The following PDGFD variants were observed in gnomAD, a reference collection of about 807,000 sequenced individuals.
The protein encoded by PDGFD is platelet derived growth factor D, also known as platelet-derived growth factor D.
In PDGFD, 30 loss-of-function variants were observed where a neutral mutation model predicts 44.7. The ratio of observed to expected loss-of-function variants is 0.67; its 90% CI spans 0.50 to 0.91. The LOEUF (loss-of-function observed/expected upper bound fraction) is 0.91. Among genes scored for constraint, PDGFD ranks in the 40% least tolerant of loss-of-function variants. The pLI is 0.00. For synonymous variants in PDGFD, 173 were observed against 168.4 expected (o/e 1.03, Z -0.21); for missense variants, 445 against 457.8 (o/e 0.97, Z 0.25).
intron 1 of PDGFD, among the ~76,000 whole-genome samples, chr11:104,070,135 T>A (rs1324003924): frequency 6.6e-6 from 1 of 152,204 alleles, no homozygotes; most frequent in South Asian, 2.1e-4. Context: ...AAAATAATCT[T>A]GGACTTTCCT....
At chr11:103,987,337 G>A (rs889669262) in intron 3 of PDGFD, among the ~76,000 whole-genome samples, 2 of 151,990 alleles carry the variant, frequency 1.3e-5, no homozygotes, top group African/African-American at 2.4e-5. Context: ...ATCAATCACC[G>A]GGAAAGGTCT....
At chr11:104,015,486 A>T (rs1373253218) in intron 1 of PDGFD, among the ~76,000 whole-genome samples, 2 of 152,224 alleles carry the variant, frequency 1.3e-5, no homozygotes, top group African/African-American at 4.8e-5. Context: ...AAAAAGAAAA[A>T]TAAACACAGC....
At chr11:104,103,484 A>G (rs917068773) in intron 1 of PDGFD, among the ~76,000 whole-genome samples, 1 of 136,408 alleles carries the variant, frequency 7.3e-6, no homozygotes, top group Middle Eastern at 3.8e-3. Context: ...ATATATATAT[A>G]TATATATATA....
In PDGFD at chr11:104,026,882, G is replaced by A. The variant is rs574436829; in HGVS notation, c.125-26627C>T. 1.1e-4 allele frequency among the ~76,000 whole-genome samples: 17 copies of A among 152,202 alleles called. 1 individual carries two copies. In the South Asian group the frequency reaches 3.5e-3, roughly 32 times the overall value. ...CAGTAATTCCAAATACTAACTTATT[G>A]GAAAGACCATACTTATATTCTTGAT... On this transcript the variant is annotated intron_variant, in intron 1 of 6. Coordinates refer to ENST00000393158, the MANE Select transcript of PDGFD (RefSeq NM_025208.5).
chr11:104,156,422 G>A lies in PDGFD; in HGVS notation c.124+7382C>T, dbSNP rs145939693. ...ATCCTAACATATAAGGCTTCAAATC[G>A]TGTTTGGCTTACTTTTATAGACAAA... is the stretch of plus-strand genomic sequence containing the variant. On this transcript the variant is annotated intron_variant, in intron 1 of 6. Coordinates refer to ENST00000393158, the MANE Select transcript of PDGFD (RefSeq NM_025208.5). Among the ~76,000 whole-genome samples the A allele has an allele frequency of 8.1e-4, 123 of 152,112 alleles. 1 individual carries two copies. The East Asian group carries it at 0.02, about 24-fold the overall frequency.
intron 3 of PDGFD, among the ~76,000 whole-genome samples, chr11:103,954,064 A>G (rs1332093196): frequency 1.3e-5 from 2 of 152,256 alleles, no homozygotes; most frequent in Admixed American, 1.3e-4. Flanking sequence ...ATTACAGGTA[A>G]TAAATGTTGT....
intron 1 of PDGFD, among the ~76,000 whole-genome samples, chr11:104,133,773 T>A (rs1861958991): frequency 6.6e-6 from 1 of 152,158 alleles, no homozygotes; most frequent in South Asian, 2.1e-4. Context: ...AGTTCCAGTC[T>A]ATCAATTAAA....
At chr11:104,118,746 T>TATAG (rs1565340053) in intron 1 of PDGFD, among the ~76,000 whole-genome samples, 7 of 96,374 alleles carry the variant, frequency 7.3e-5, no homozygotes, top group African/African-American at 2.8e-4. Context: ...ATATATATTA[T>TATAG]TATATAGTAT....
At chr11:104,162,345 C>T (rs993026030) in intron 1 of PDGFD, among the ~76,000 whole-genome samples, 1 of 151,972 alleles carries the variant, frequency 6.6e-6, no homozygotes, top group African/African-American at 2.4e-5. Context: ...GCTAAAAGGA[C>T]ATATAAAGTG....
At chr11:103,997,823 G>T (rs904991925) in intron 2 of PDGFD, among the ~76,000 whole-genome samples, 7 of 152,150 alleles carry the variant, frequency 4.6e-5, no homozygotes, top group Non-Finnish European at 8.8e-5. Context: ...CTCTGAACCT[G>T]AAGTCAAGAG....
chr11:104,102,377 G>C (rs1004752429), intron 1 of PDGFD, among the ~76,000 whole-genome samples: 25 of 152,144 alleles, frequency 1.6e-4, no homozygotes, highest in Non-Finnish European at 2.6e-4. Flanking sequence ...ACCACAATGA[G>C]ATACCATCTC....
intron 3 of PDGFD, among the ~76,000 whole-genome samples, chr11:103,986,391 CAT>C (rs1331599694): frequency 6.6e-6 from 1 of 152,172 alleles, no homozygotes; most frequent in Non-Finnish European, 1.5e-5. Flanking sequence ...AAACTTAAAA[CAT>C]AAAACTCACT....
At chr11:103,951,306 G>A (rs1858752899) in intron 3 of PDGFD, among the ~76,000 whole-genome samples, 1 of 152,168 alleles carries the variant, frequency 6.6e-6, no homozygotes, top group African/African-American at 2.4e-5. Flanking sequence ...GCAATAGGGA[G>A]GATTCACCTG....
intron 6 of PDGFD, among the ~76,000 whole-genome samples, chr11:103,918,797 G>A (rs748502134): frequency 1.3e-5 from 2 of 152,114 alleles, no homozygotes; most frequent in African/African-American, 2.4e-5. Flanking sequence ...AATAGTCTTA[G>A]GTTCAGGTAC....
intron 1 of PDGFD, among the ~76,000 whole-genome samples, chr11:104,021,651 G>C (rs1224175910): frequency 6.6e-6 from 1 of 152,176 alleles, no homozygotes; most frequent in Non-Finnish European, 1.5e-5. Context: ...CTGGGAGCCA[G>C]CACCATCCAA....
chr11:103,949,586 A>G (rs1036118588), intron 3 of PDGFD, among the ~76,000 whole-genome samples: 7 of 152,250 alleles, frequency 4.6e-5, no homozygotes, highest in African/African-American at 1.7e-4. Context: ...CTCACATTAC[A>G]GAATTTTCAT....
intron 1 of PDGFD, among the ~76,000 whole-genome samples, chr11:104,062,415 C>A (rs1256949400): frequency 1.3e-5 from 2 of 152,222 alleles, no homozygotes; most frequent in Non-Finnish European, 2.9e-5. Flanking sequence ...AATAAAAAGA[C>A]TTTTCTGAAC....
At chr11:103,978,779 G>A (rs10791658) in intron 3 of PDGFD, among the ~76,000 whole-genome samples, 26,432 of 151,916 alleles carry the variant, frequency 0.17, 2,420 homozygotes, top group Middle Eastern at 0.28. Flanking sequence ...ACTAAGTGAC[G>A]TCATTGTCTT....
intron 1 of PDGFD, 136 bp downstream of exon 1, chr11:104,163,668 A>T: frequency 1.9e-6 from 2 of 1,040,340 alleles, no homozygotes; most frequent in Non-Finnish European, 2.6e-6. Flanking sequence ...CAGGCAGGAG[A>T]CCTCCCTCCC....
Sources: gnomAD v4.1 joint callset for allele counts (sites outside exome capture counted in the v4.1 genomes callset) on GRCh38, gnomAD v4.1.1 for gene constraint, MANE v1.5 for transcripts, NCBI Gene and HGNC (gene_info 2026-07-23, HGNC 2026-07-21) for gene names.